Variants in FERRY3 observed in about 807,000 individuals in gnomAD.
The protein encoded by FERRY3 is FERRY endosomal RAB5 effector complex subunit 3.
the FERRY3 span, among the ~76,000 whole-genome samples, chr12:4,508,339 A>T: frequency 6.6e-6 from 1 of 152,246 alleles, no homozygotes; most frequent in Non-Finnish European, 1.5e-5. Context: ...AAGAAAAGAA[A>T]GAAAAAAGCA....
At chr12:4,500,065 T>C in the FERRY3 span, 2 of 1,375,350 alleles carry the variant, frequency 1.5e-6, no homozygotes, top group Non-Finnish European at 1.0e-6. Context: ...TGGATTATTA[T>C]ATAATATTGG....
the FERRY3 span, among the ~76,000 whole-genome samples, chr12:4,510,115 C>T: frequency 6.2e-4 from 86 of 138,992 alleles, 1 homozygote; most frequent in South Asian, 0.012. Context: ...CCTCAGGAGC[C>T]GATGCGATCA....
At chr12:4,495,723 C>T in the FERRY3 span, among the ~76,000 whole-genome samples, 10 of 152,290 alleles carry the variant, frequency 6.6e-5, no homozygotes, top group South Asian at 1.9e-3. Flanking sequence ...GTCCAAAGGT[C>T]ATCACGTTTT....
chr12:4,525,182 T>G, the FERRY3 span: 4 of 1,527,462 alleles, frequency 2.6e-6, no homozygotes, highest in Non-Finnish European at 3.5e-6. Flanking sequence ...CTAAAAGGTT[T>G]AACTTTGTAG....
At chr12:4,522,056 T>C in the FERRY3 span, among the ~76,000 whole-genome samples, 1 of 152,218 alleles carries the variant, frequency 6.6e-6, no homozygotes, top group Non-Finnish European at 1.5e-5. Flanking sequence ...AAATAAACTA[T>C]GGACTTTGAA....
chr12:4,501,917 T>G, the FERRY3 span, among the ~76,000 whole-genome samples: 1 of 152,158 alleles, frequency 6.6e-6, no homozygotes. Context: ...CAAGATGACT[T>G]GGACCCTGCG....
chr12:4,530,659 C>T, the FERRY3 span, among the ~76,000 whole-genome samples: 1 of 152,158 alleles, frequency 6.6e-6, no homozygotes, highest in Non-Finnish European at 1.5e-5. Flanking sequence ...TCTAGTGTTA[C>T]ATTTTCTTTT....
At chr12:4,494,304 A>C in the FERRY3 span, among the ~76,000 whole-genome samples, 1 of 152,090 alleles carries the variant, frequency 6.6e-6, no homozygotes, top group African/African-American at 2.4e-5. Context: ...CATTTTCTTA[A>C]TAGCATCTTT....
chr12:4,496,145 C>T, the FERRY3 span, among the ~76,000 whole-genome samples: 5,522 of 152,210 alleles, frequency 0.036, 331 homozygotes, highest in African/African-American at 0.12. Context: ...CCACCGTTAG[C>T]TTAAGATAGA....
chr12:4,518,651 G>T, the FERRY3 span: 2 of 623,240 alleles, frequency 3.2e-6, no homozygotes, highest in Non-Finnish European at 5.2e-6. Flanking sequence ...TGAGCCCAGG[G>T]GTTCAAGACC....
the FERRY3 span, among the ~76,000 whole-genome samples, chr12:4,491,770 TA>T: frequency 6.6e-6 from 1 of 152,238 alleles, no homozygotes; most frequent in African/African-American, 2.4e-5. Flanking sequence ...TCTTCCACAG[TA>T]TGATTAGCGC....
the FERRY3 span, among the ~76,000 whole-genome samples, chr12:4,493,539 T>A: frequency 1.3e-5 from 2 of 150,212 alleles, 1 homozygote; most frequent in South Asian, 4.2e-4. Context: ...GGCTAAAAAG[T>A]AAAGAATCCT....
chr12:4,515,479 C>T, the FERRY3 span, among the ~76,000 whole-genome samples: 1 of 152,178 alleles, frequency 6.6e-6, no homozygotes, highest in African/African-American at 2.4e-5. Context: ...ACAAGAAAAT[C>T]CTGCCATTTG....
At chr12:4,491,900 C>T in the FERRY3 span, among the ~76,000 whole-genome samples, 6 of 152,232 alleles carry the variant, frequency 3.9e-5, no homozygotes, top group South Asian at 6.2e-4. Context: ...TCAAACTTTG[C>T]GGGTCTCAGG....
the FERRY3 span, chr12:4,490,675 C>A: frequency 9.4e-7 from 1 of 1,069,186 alleles, no homozygotes. Context: ...TGAATTTTCA[C>A]TGTGGGGCTT....
the FERRY3 span, chr12:4,505,306 C>T: frequency 6.4e-7 from 1 of 1,573,888 alleles, no homozygotes; most frequent in Non-Finnish European, 8.7e-7. Flanking sequence ...AAATACTTAC[C>T]AGGTAAAACA....
the FERRY3 span, among the ~76,000 whole-genome samples, chr12:4,510,347 C>A: frequency 7.4e-6 from 1 of 135,032 alleles, no homozygotes; most frequent in African/African-American, 3.0e-5. Context: ...GAGAACTTCC[C>A]CAATCTAGCA....
the FERRY3 span, chr12:4,491,162 G>A: frequency 6.2e-7 from 1 of 1,611,574 alleles, no homozygotes; most frequent in Admixed American, 1.7e-5. Context: ...TTGTCAGAGA[G>A]AAGATTATGC....
At chr12:4,538,196 C>T in the FERRY3 span, among the ~76,000 whole-genome samples, 1 of 152,152 alleles carries the variant, frequency 6.6e-6, no homozygotes, top group Admixed American at 6.5e-5. Context: ...GTTTTAGCAA[C>T]CGTGAAATCC....
Sources: allele counts gnomAD v4.1 joint callset (sites outside exome capture counted in the v4.1 genomes callset), GRCh38; gene constraint gnomAD v4.1.1; transcripts MANE v1.5; gene names NCBI Gene and HGNC (gene_info 2026-07-23, HGNC 2026-07-21).